Variants in SLC9A9 observed in about 807,000 individuals in gnomAD.
SLC9A9 encodes the protein solute carrier family 9 member A9.
In SLC9A9, 62 loss-of-function variants were observed where a neutral mutation model predicts 77.8. The ratio of observed to expected loss-of-function variants is 0.80; its 90% confidence interval spans 0.65 to 0.98. The LOEUF (loss-of-function observed/expected upper bound fraction) is 0.98. SLC9A9 is among the 50% of genes least tolerant of loss of function. The probability of loss-of-function intolerance (pLI) is 0.00; values close to 1 mark genes in which losing one functional copy is unlikely to be tolerated. For missense variants in SLC9A9, 775 were observed against 774.9 expected (o/e 1.00, Z 0.00); for synonymous variants, 320 against 283.5 (o/e 1.13, Z -1.29).
chr3:143,747,404 C>CAAAAA (rs1003997379), intron 4 of SLC9A9, among the ~76,000 whole-genome samples: 9 of 51,668 alleles, frequency 1.7e-4, no homozygotes, highest in Admixed American at 3.9e-4. Context: ...AACTCCATCT[C>CAAAAA]AAAAAAAAAA....
intron 11 of SLC9A9, among the ~76,000 whole-genome samples, chr3:143,468,383 G>C (rs567330330): frequency 1.2e-3 from 184 of 152,252 alleles, no homozygotes; most frequent in African/African-American, 4.2e-3. Flanking sequence ...AAAACCAGCT[G>C]GGTATATTTG....
intron 14 of SLC9A9, among the ~76,000 whole-genome samples, chr3:143,353,344 G>C (rs1477031427): frequency 1.3e-5 from 2 of 152,294 alleles, no homozygotes; most frequent in African/African-American, 4.8e-5. Flanking sequence ...TGGAGCTTTT[G>C]GGAGGTGATT....
intron 11 of SLC9A9, among the ~76,000 whole-genome samples, chr3:143,491,582 A>T (rs1395423518): frequency 1.3e-5 from 2 of 152,148 alleles, no homozygotes; most frequent in Non-Finnish European, 2.9e-5. Context: ...CTGGCTGTAC[A>T]CATCATATTA....
intron 11 of SLC9A9, among the ~76,000 whole-genome samples, chr3:143,481,909 T>C (rs553265778): frequency 3.9e-5 from 6 of 152,330 alleles, no homozygotes; most frequent in African/African-American, 1.2e-4. Flanking sequence ...CCTTGGTTCT[T>C]CACTTGAGTT....
At chr3:143,835,059 A>G (rs2009534541) in intron 1 of SLC9A9, among the ~76,000 whole-genome samples, 1 of 152,174 alleles carries the variant, frequency 6.6e-6, no homozygotes, top group Non-Finnish European at 1.5e-5. Flanking sequence ...GGGACCCATC[A>G]TTAATCTTGC....
chr3:143,797,551 T>C (rs984989948), intron 2 of SLC9A9, among the ~76,000 whole-genome samples: 3 of 151,978 alleles, frequency 2.0e-5, no homozygotes, highest in African/African-American at 7.3e-5. Flanking sequence ...AATGGCCGGT[T>C]CCTGCCTTAA....
intron 9 of SLC9A9, among the ~76,000 whole-genome samples, chr3:143,547,069 T>C (rs1419841993): frequency 6.6e-6 from 1 of 152,208 alleles, no homozygotes; most frequent in Non-Finnish European, 1.5e-5. Context: ...CTTGAGACAC[T>C]CTTCTTTTGA....
At chr3:143,680,897 G>A (rs1933068362) in intron 5 of SLC9A9, among the ~76,000 whole-genome samples, 1 of 152,028 alleles carries the variant, frequency 6.6e-6, no homozygotes, top group Non-Finnish European at 1.5e-5. Flanking sequence ...GCTTCTCATT[G>A]GATTTGGCCA....
intron 14 of SLC9A9, among the ~76,000 whole-genome samples, chr3:143,357,762 G>T (rs931993230): frequency 6.6e-6 from 1 of 152,006 alleles, no homozygotes; most frequent in Non-Finnish European, 1.5e-5. Flanking sequence ...ATAAAACTGG[G>T]ATCACAGAAC....
chr3:143,558,451 C>T (rs2037025552), intron 8 of SLC9A9, among the ~76,000 whole-genome samples: 1 of 152,184 alleles, frequency 6.6e-6, no homozygotes, highest in Admixed American at 6.5e-5. Flanking sequence ...GCAGCTGAGA[C>T]AGGGTTGTAC....
At chr3:143,649,223 C>A (rs1373483648) in intron 6 of SLC9A9, among the ~76,000 whole-genome samples, 3 of 152,140 alleles carry the variant, frequency 2.0e-5, no homozygotes, top group Non-Finnish European at 4.4e-5. Flanking sequence ...TATCTTTTGC[C>A]TTCCTTCAAT....
chr3:143,420,889 C>T (rs2034286446), intron 12 of SLC9A9, among the ~76,000 whole-genome samples: 1 of 151,558 alleles, frequency 6.6e-6, no homozygotes, highest in Non-Finnish European at 1.5e-5. Context: ...AGAAAATCCT[C>T]AAGACTCTGC....
chr3:143,587,282 AC>A (rs1462183943), intron 6 of SLC9A9, among the ~76,000 whole-genome samples: 2 of 152,254 alleles, frequency 1.3e-5, no homozygotes, highest in Admixed American at 6.5e-5. Flanking sequence ...CATGTTCCTT[AC>A]ATCTCAGTGG....
At chr3:143,674,162 A>G (rs944885522) in intron 5 of SLC9A9, among the ~76,000 whole-genome samples, 1 of 152,140 alleles carries the variant, frequency 6.6e-6, no homozygotes, top group Non-Finnish European at 1.5e-5. Flanking sequence ...AATGGAAGGT[A>G]CTTTCTGTTT....
intron 14 of SLC9A9, among the ~76,000 whole-genome samples, chr3:143,280,605 G>A (rs545395118): frequency 1.4e-5 from 2 of 144,926 alleles, no homozygotes; most frequent in South Asian, 4.3e-4. Context: ...GCTGGCGAGT[G>A]CAGTGGTGCC....
intron 14 of SLC9A9, among the ~76,000 whole-genome samples, chr3:143,332,306 C>T (rs112971488): frequency 3.9e-4 from 60 of 152,258 alleles, no homozygotes; most frequent in African/African-American, 1.3e-3. Flanking sequence ...TTCTAAAAAA[C>T]CTCAACCAAC....
At chr3:143,495,828 A>C (rs985431287) in intron 9 of SLC9A9, among the ~76,000 whole-genome samples, 1 of 152,248 alleles carries the variant, frequency 6.6e-6, no homozygotes, top group Non-Finnish European at 1.5e-5. Context: ...ACCTCTGTGC[A>C]CATTACCCAG....
intron 14 of SLC9A9, among the ~76,000 whole-genome samples, chr3:143,326,533 C>G (rs1007224424): frequency 2.6e-5 from 4 of 152,062 alleles, no homozygotes; most frequent in South Asian, 2.1e-4. Flanking sequence ...ACAACGTGCC[C>G]CCTCCCCCCA....
At chr3:143,825,228 C>T (rs1469411905) in intron 2 of SLC9A9, among the ~76,000 whole-genome samples, 1 of 152,206 alleles carries the variant, frequency 6.6e-6, no homozygotes, top group Non-Finnish European at 1.5e-5. Context: ...ATATTTATCT[C>T]ATGGCCCAAT....
Sources: gnomAD v4.1 joint callset for allele counts (sites outside exome capture counted in the v4.1 genomes callset) on GRCh38, gnomAD v4.1.1 for gene constraint, MANE v1.5 for transcripts, NCBI Gene and HGNC (gene_info 2026-07-23, HGNC 2026-07-21) for gene names.